Variants in UNC79 observed in about 807,000 individuals in gnomAD.
The protein encoded by UNC79 is unc-79 subunit of NALCN channel complex.
A neutral mutation model predicts 283.1 loss-of-function variants in UNC79; 37 were observed. The ratio of observed to expected loss-of-function variants is 0.13; its 90% confidence interval spans 0.10 to 0.17. UNC79 has a LOEUF of 0.17. Ranked by LOEUF, UNC79 falls within the 10% of genes least tolerant of loss-of-function variation. UNC79 has a pLI of 1.00. For synonymous variants in UNC79, 1,107 were observed against 1,200.2 expected (o/e 0.92, Z 1.61); for missense variants, 2,272 against 3,211.1 (o/e 0.71, Z 7.07).
chr14:93,575,715 A>G (rs1238443253), intron 17 of UNC79, among the ~76,000 whole-genome samples: 2 of 152,214 alleles, frequency 1.3e-5, no homozygotes, highest in African/African-American at 2.4e-5. Context: ...TCTAAAGTGT[A>G]TACAAACTGC....
intron 1 of UNC79, among the ~76,000 whole-genome samples, chr14:93,349,235 C>A (rs891357296): frequency 1.3e-5 from 2 of 152,214 alleles, no homozygotes; most frequent in African/African-American, 4.8e-5. Flanking sequence ...CAATTCCGGA[C>A]ACAATAAGTG....
intron 26 of UNC79, 74 bp downstream of exon 27, chr14:93,605,035 T>C: frequency 6.8e-7 from 1 of 1,477,870 alleles, no homozygotes; most frequent in Non-Finnish European, 9.0e-7. Flanking sequence ...ATGCGGTGTC[T>C]CTAACTGGAC....
At chr14:93,610,136 G>A (rs938784101) in intron 26 of UNC79, among the ~76,000 whole-genome samples, 1 of 150,664 alleles carries the variant, frequency 6.6e-6, no homozygotes, top group African/African-American at 2.5e-5. Context: ...ATGAGAAGAA[G>A]GGTTTTTAAA....
rs569030988 is a variant in UNC79 at position 93,541,910 on chromosome 14, C to G, written c.1525-556C>G. 2.6e-4 allele frequency among the ~76,000 whole-genome samples: 38 copies of G among 146,110 alleles called. 1 individual carries two copies. The East Asian group carries it at 7.5e-3, about 29-fold the overall frequency. ...GTCCCAGCTACTCGGGAGGCTGAGGCAGGAGAATGGCGTGAACCCGGGAGG... is the reference window on the plus strand; with the variant it reads ...GTCCCAGCTACTCGGGAGGCTGAGGGAGGAGAATGGCGTGAACCCGGGAGG... On this transcript the variant is annotated intron_variant, in intron 13 of 48. Transcript: ENST00000555664.
At chr14:93,593,537 C>T (rs2064844120) in intron 22 of UNC79, 143 bp from the exon 23 acceptor site, 1 of 891,988 alleles carries the variant, frequency 1.1e-6, no homozygotes, top group Non-Finnish European at 1.7e-6. Flanking sequence ...AGAGGATTAT[C>T]CTCTCGTGGA....
intron 1 of UNC79, among the ~76,000 whole-genome samples, chr14:93,386,413 A>G (rs2054775553): frequency 6.6e-6 from 1 of 152,136 alleles, no homozygotes. Context: ...TGTATCAGTG[A>G]TACTGGCCTA....
At chr14:93,362,607 C>G (rs1016035280) in intron 1 of UNC79, among the ~76,000 whole-genome samples, 1 of 152,174 alleles carries the variant, frequency 6.6e-6, no homozygotes, top group Non-Finnish European at 1.5e-5. Flanking sequence ...CTCGGCCTCC[C>G]AAAGTGCTGG....
intron 1 of UNC79, among the ~76,000 whole-genome samples, chr14:93,396,763 G>T: frequency 7.0e-6 from 1 of 142,242 alleles, no homozygotes; most frequent in Non-Finnish European, 1.5e-5. Flanking sequence ...TCTTTGCAAA[G>T]GGCATGTGTG....
chr14:93,402,632 A>AT (rs2055134225), intron 1 of UNC79, among the ~76,000 whole-genome samples: 1 of 152,184 alleles, frequency 6.6e-6, no homozygotes, highest in African/African-American at 2.4e-5. Context: ...AGAATGTGTC[A>AT]TGAGAGGTGA....
chr14:93,583,061 C>T (rs2063931030), intron 20 of UNC79, among the ~76,000 whole-genome samples: 1 of 152,012 alleles, frequency 6.6e-6, no homozygotes. Context: ...GTGGCTCATA[C>T]CTGTAATCCC....
intron 1 of UNC79, among the ~76,000 whole-genome samples, chr14:93,338,947 AG>A (rs2053641488): frequency 6.6e-6 from 1 of 152,148 alleles, no homozygotes; most frequent in Non-Finnish European, 1.5e-5. Context: ...TAAATTTAAT[AG>A]AGTTTACTTG....
intron 1 of UNC79, among the ~76,000 whole-genome samples, chr14:93,337,684 C>G (rs2053608380): frequency 1.3e-5 from 2 of 152,144 alleles, no homozygotes; most frequent in Admixed American, 1.3e-4. Context: ...ACATGCCCCC[C>G]TGAAACACAC....
At position 93,579,521 on chromosome 14, in the gene UNC79, G is replaced by A. The variant is rs188692554; in HGVS notation, c.2434-628G>A. ...GTTTATTTATTTATCTACTCATCCC[G>A]CAGTGCCCATGGATTTTTATGTTAT... On this transcript the variant is annotated intron_variant, in intron 18 of 48. Coordinates refer to ENST00000555664, the Ensembl canonical transcript of UNC79. Among the ~76,000 whole-genome samples, 8 of 151,978 alleles carry A rather than the reference G, an allele frequency of 5.3e-5. No individual in the cohort carries two copies. In the East Asian group the frequency reaches 7.7e-4, roughly 15 times the overall value.
chr14:93,341,014 A>G (rs918721433), intron 1 of UNC79, among the ~76,000 whole-genome samples: 2 of 152,200 alleles, frequency 1.3e-5, no homozygotes, highest in African/African-American at 2.4e-5. Flanking sequence ...TCCTGAGGCT[A>G]TGTGGTTAGT....
intron 1 of UNC79, among the ~76,000 whole-genome samples, chr14:93,441,038 C>G (rs2056282846): frequency 6.6e-6 from 1 of 151,910 alleles, no homozygotes; most frequent in Non-Finnish European, 1.5e-5. Context: ...TTAAAGTCTC[C>G]TATTATTAGT....
At chr14:93,528,606 C>G in exon 9 of UNC79, 1 of 1,613,800 alleles carries the variant, frequency 6.2e-7, no homozygotes, top group Non-Finnish European at 8.5e-7. Flanking sequence ...TAAACCACCC[C>G]CGTTGTATCT....
rs2057250173 is a variant in UNC79 at position 93,467,522 on chromosome 14, A to G, written c.23-149A>G. 3.1e-6 allele frequency: 3 copies of G among 980,308 alleles called. No homozygotes were observed. The East Asian group carries it at 1.0e-4, about 33-fold the overall frequency. The allele number at this position is 980,308 out of a possible 1,614,324, so 60.7% of individuals were successfully genotyped here. On this transcript the variant is annotated intron_variant, in intron 1 of 48. Coordinates refer to ENST00000555664, the Ensembl canonical transcript of UNC79. ...ATGGAATTCTATTAAAAATTTACTT[A>G]TGTTTCTTAAAATACTGATTAAATT...
intron 1 of UNC79, among the ~76,000 whole-genome samples, chr14:93,421,093 A>G (rs2055589579): frequency 6.6e-6 from 1 of 151,762 alleles, no homozygotes; most frequent in African/African-American, 2.4e-5. Flanking sequence ...GAAGAAAGAA[A>G]TAATAAAGAT....
chr14:93,637,132 CA>C (rs1170700226), intron 31 of UNC79, 83 bp from the exon 35 acceptor site: 2 of 806,990 alleles, frequency 2.5e-6, no homozygotes, highest in Admixed American at 1.8e-5. Flanking sequence ...AATTGGCCCC[CA>C]GAGATGATTG....
Sources: allele counts gnomAD v4.1 joint callset (sites outside exome capture counted in the v4.1 genomes callset), GRCh38; gene constraint gnomAD v4.1.1; transcripts MANE v1.5; gene names NCBI Gene and HGNC (gene_info 2026-07-23, HGNC 2026-07-21).